C2orf69: variants seen among roughly 807,000 people sequenced by gnomAD.
The protein encoded by C2orf69 is mitochondrial protein C2orf69.
Under a neutral mutation model 29.5 loss-of-function variants are expected in C2orf69, and 19 were observed. That is an observed-to-expected ratio of 0.65 (90% confidence interval 0.45 to 0.95). The LOEUF (loss-of-function observed/expected upper bound fraction) is 0.95. Ranked by LOEUF, C2orf69 falls within the 40% of genes least tolerant of loss-of-function variation. The pLI is 0.00. For synonymous variants in C2orf69, 194 were observed against 180.0 expected, an observed-to-expected ratio of 1.08 and a Z score of -0.62; for missense variants, 416 against 482.1, an observed-to-expected ratio of 0.86 and a Z score of 1.28.
At position 199,927,284 on chromosome 2, in the gene C2orf69, G is replaced by A. The variant is rs1226100035; in HGVS notation, c.*1398G>A. Reference sequence around the variant, plus strand: ...GCTTTTGCAGGTAATGAAATAGCAGGGAAGTAACATGCTGCTTTAGGACTA... The same window carrying A: ...GCTTTTGCAGGTAATGAAATAGCAGAGAAGTAACATGCTGCTTTAGGACTA... On this transcript the variant is annotated 3_prime_UTR_variant, in exon 2 of 2. Coordinates refer to ENST00000319974, the MANE Select transcript of C2orf69 (RefSeq NM_153689.6). 3.6e-5 allele frequency: 5 copies of A among 138,098 alleles called. No homozygotes were observed. The Admixed American group carries it at 3.8e-4, about 11-fold the overall frequency. 8.6% of individuals were successfully genotyped at this position (138,098 alleles called of 1,614,324 possible). A position where few individuals can be genotyped will look rare whatever the true frequency, so the allele number is the denominator to read the frequency against.
chr2:199,921,592 ACT>A (rs2106636469), intron 1 of C2orf69, among the ~76,000 whole-genome samples: 1 of 151,928 alleles, frequency 6.6e-6, no homozygotes, highest in Non-Finnish European at 1.5e-5. Flanking sequence ...GAAAATAAGC[ACT>A]CTTTTATGTT....
rs62178345 is a variant in C2orf69 at position 199,911,630 on chromosome 2, T to A, written c.192T>A (p.Asp64Glu). Reference protein sequence around the residue: ...CLQLSTVPGADPQRSNELLLL... With the variant: ...CLQLSTVPGAEPQRSNELLLL... ...AGCTTTCCACCGTGCCTGGAGCCGA[T>A]CCGCAGCGCAGCAACGAATTGCTCC... Residue 64 changes from aspartate (D) to glutamate (E), a missense_variant, in exon 1 of 2, where the codon GAT becomes GAA. Asp to Glu is a conservative substitution (Grantham distance 45). Around this residue, in one of 4 missense-constraint regions of C2orf69, gnomAD observed 175 missense variants for 139.9 expected, o/e 1.25. Coordinates refer to ENST00000319974, the MANE Select transcript of C2orf69 (RefSeq NM_153689.6). The A allele has an allele frequency of 7.7e-6, 12 of 1,549,348 alleles. No homozygotes were observed. The highest frequency in any genetic ancestry group is 2.4e-5 in the South Asian group (2 of 83,984).
At chr2:199,911,810 C>A (rs1194416276) in intron 1 of C2orf69, 39 bp downstream of exon 1, 10 of 1,536,082 alleles carry the variant, frequency 6.5e-6, no homozygotes, top group Non-Finnish European at 8.7e-6. Context: ...TCCTTCCTCT[C>A]GTGTATACGT....
rs189291365 is a variant in C2orf69, at chr2:199,927,093, G to C, written c.*1207G>C. 2.4e-4 allele frequency: 36 copies of C among 152,444 alleles called. No homozygotes were observed. In the East Asian group the frequency reaches 6.9e-3, roughly 29 times the overall value. 9.4% of individuals were successfully genotyped at this position (152,444 alleles called of 1,614,324 possible). A position where few individuals can be genotyped will look rare whatever the true frequency, so the allele number is the denominator to read the frequency against. Reference sequence around the variant, plus strand: ...TAATTTTGGCTCAAAAACTGAATTTGCTTAACACTGCTACATAATTTGGGT... The same window carrying C: ...TAATTTTGGCTCAAAAACTGAATTTCCTTAACACTGCTACATAATTTGGGT... On this transcript the variant is annotated 3_prime_UTR_variant, in exon 2 of 2. Coordinates refer to ENST00000319974, the MANE Select transcript of C2orf69 (RefSeq NM_153689.6).
chr2:199,917,588 A>G lies in C2orf69; in HGVS notation c.333+5817A>G, dbSNP rs1326603461. 2.0e-5 allele frequency among the ~76,000 whole-genome samples: 3 copies of G among 152,156 alleles called. No individual in the cohort carries two copies. The East Asian group carries it at 5.8e-4, about 29-fold the overall frequency. On this transcript the variant is annotated intron_variant, in intron 1 of 1. Coordinates refer to ENST00000319974, the MANE Select transcript of C2orf69 (RefSeq NM_153689.6). ...GAGTGACCTTTGCTTCAGTTCTAAA[A>G]AGTTTATTATCTCTGTCTGAGACCA...
intron 1 of C2orf69, among the ~76,000 whole-genome samples, chr2:199,913,199 TA>T (rs2077275722): frequency 1.0e-5 from 1 of 99,730 alleles, no homozygotes; most frequent in Non-Finnish European, 1.9e-5. Flanking sequence ...ATATTATATA[TA>T]ATATATAATA....
rs1559291976 is a variant in C2orf69 at position 199,913,186 on chromosome 2, T to TATATATTCTATATAATATATA, written c.333+1422_333+1423insCTATATAATATATAATATATT. ...TATATATATATTATATATAAAATTA[T>TATATATTCTATATAATATATA]ATATATTATATATAATATATAATAT... On this transcript the variant is annotated intron_variant, in intron 1 of 1. Transcript: ENST00000319974. 1.6e-4 allele frequency among the ~76,000 whole-genome samples: 17 copies of TATATATTCTATATAATATATA among 105,184 alleles called. 1 individual carries two copies. The highest frequency in any genetic ancestry group is 2.5e-4 in the South Asian group (1 of 3,958). 69.0% of individuals were successfully genotyped at this position (105,184 alleles called of 152,430 possible).
chr2:199,923,175 C>T (rs945750849), intron 1 of C2orf69, among the ~76,000 whole-genome samples: 1 of 152,210 alleles, frequency 6.6e-6, no homozygotes, highest in Admixed American at 6.5e-5. Flanking sequence ...CCTTTCCTGA[C>T]CATTCTGTGT....
At position 199,925,772 on chromosome 2, in the gene C2orf69, C is replaced by T. The variant is rs776031021; in HGVS notation, c.1044C>T (p.His348=). The change falls in exon 2 of 2, where the codon CAC becomes CAT. Residue 348 remains histidine (H), a synonymous_variant. Coordinates refer to ENST00000319974, the MANE Select transcript of C2orf69 (RefSeq NM_153689.6). This position sits in a 1 kb window ranked among gnomAD's most constrained non-coding sequence, Gnocchi z 4.9. ...TGAGATCTTGGATTGGAAAGGAGCA[C>T]AAGAAATTTGTTCAGATACTTGGGG... ...DPMRSWIGKE[H]KKFVQILGDL... is the part of the protein sequence containing the mutation. 2 of 1,613,706 alleles carry T rather than the reference C, an allele frequency of 1.2e-6. No individual in the cohort carries two copies. The highest frequency in any genetic ancestry group is 8.5e-7 in the Non-Finnish European group (1 of 1,179,828).
chr2:199,919,622 T>A (rs1382820608), intron 1 of C2orf69, among the ~76,000 whole-genome samples: 2 of 152,136 alleles, frequency 1.3e-5, no homozygotes, highest in Non-Finnish European at 2.9e-5. Flanking sequence ...CATCTCATGG[T>A]GGAAGGCAGA....
intron 1 of C2orf69, among the ~76,000 whole-genome samples, chr2:199,913,346 A>G (rs1453411405): frequency 1.8e-3 from 158 of 86,286 alleles, no homozygotes; most frequent in African/African-American, 7.4e-3. Context: ...ATTATAATAT[A>G]TATTATATAT....
intron 1 of C2orf69, among the ~76,000 whole-genome samples, chr2:199,918,431 G>A (rs978010761): frequency 1.1e-4 from 16 of 151,940 alleles, no homozygotes; most frequent in Non-Finnish European, 2.2e-4. Flanking sequence ...GTACAATCTC[G>A]GCTCACTGCA....
chr2:199,924,517 A>G (rs917979326), intron 1 of C2orf69, among the ~76,000 whole-genome samples: 1 of 152,258 alleles, frequency 6.6e-6, no homozygotes, highest in African/African-American at 2.4e-5. Flanking sequence ...ATTTAAGGAT[A>G]TAATCACAGA....
At chr2:199,914,069 G>A (rs1426918501) in intron 1 of C2orf69, among the ~76,000 whole-genome samples, 2 of 152,176 alleles carry the variant, frequency 1.3e-5, no homozygotes, top group Non-Finnish European at 2.9e-5. Flanking sequence ...GAGATTAAAT[G>A]TGTGGATACT....
Position 199,925,452 on chromosome 2 carries a change from G to T in C2orf69, c.724G>T (p.Asp242Tyr). The T allele has an allele frequency of 6.2e-7, 1 of 1,613,802 alleles. No individual in the cohort carries two copies. Among genetic ancestry groups the T allele is most frequent in the Non-Finnish European group, 8.5e-7 (1 of 1,179,874 alleles). Residue 242 changes from aspartate to tyrosine, a missense_variant, in exon 2 of 2, where the codon GAT becomes TAT. This residue lies in a region of C2orf69 where 225 missense variants were observed against 307.3 expected (regional missense o/e 0.73). Transcript: ENST00000319974. This position sits in a 1 kb window ranked among gnomAD's most constrained non-coding sequence, Gnocchi z 4.9. ...GEKVRTCEKS[D>Y]ESAMSFYPPS... The stretch of plus-strand genomic sequence containing the variant: ...AAAAGTGAGGACCTGTGAAAAATCT[G>T]ATGAGTCTGCCATGAGTTTTTATCC...
At chr2:199,914,578 A>T (rs1421004258) in intron 1 of C2orf69, among the ~76,000 whole-genome samples, 2 of 152,172 alleles carry the variant, frequency 1.3e-5, no homozygotes, top group Non-Finnish European at 2.9e-5. Context: ...CACTCAGAGT[A>T]AGAGCCAGAG....
intron 1 of C2orf69, among the ~76,000 whole-genome samples, chr2:199,915,059 T>C (rs1351565967): frequency 6.6e-6 from 1 of 152,230 alleles, no homozygotes; most frequent in Admixed American, 6.5e-5. Flanking sequence ...AGATGACTTG[T>C]ATAAATGAGT....
In C2orf69 at chr2:199,918,478, C is replaced by T. The variant is rs1051855455; in HGVS notation, c.334-6584C>T. Among the ~76,000 whole-genome samples, 28 of 152,158 alleles carry T rather than the reference C, an allele frequency of 1.8e-4. 1 individual carries two copies. The highest frequency in any genetic ancestry group is 6.5e-4 in the African/African-American group (27 of 41,436). On this transcript the variant is annotated intron_variant, in intron 1 of 1. Coordinates refer to ENST00000319974, the MANE Select transcript of C2orf69 (RefSeq NM_153689.6). ...CCGGGTTCAAGCAATTCTTGTGCCT[C>T]AGCCTCCTGAGTAGCTGGGATTACA...
intron 1 of C2orf69, among the ~76,000 whole-genome samples, chr2:199,917,760 C>A (rs2077298986): frequency 6.6e-6 from 1 of 152,196 alleles, no homozygotes; most frequent in Non-Finnish European, 1.5e-5. Context: ...TGTTACCCAG[C>A]TCCAAAGTTG....
Sources: allele counts gnomAD v4.1 joint callset (sites outside exome capture counted in the v4.1 genomes callset), GRCh38; gene constraint gnomAD v4.1.1; regional missense constraint gnomAD v4.1.1; non-coding constraint Gnocchi (gnomAD v3.1); transcripts MANE v1.5; gene names NCBI Gene and HGNC (gene_info 2026-07-23, HGNC 2026-07-21).